Variants in PDE3B observed in about 807,000 individuals in gnomAD.
PDE3B encodes the protein cGMP-inhibited 3',5'-cyclic phosphodiesterase 3B.
PDE3B carries 66 observed loss-of-function variants against 116.8 expected under a neutral mutation model. The observed-to-expected ratio is 0.56, with a 90% confidence interval of 0.46 to 0.69. The LOEUF (loss-of-function observed/expected upper bound fraction) is 0.69, where lower values mean the gene tolerates loss of function less well. PDE3B is among the 30% of genes least tolerant of loss of function. PDE3B has a pLI of 0.00. For missense variants in PDE3B, 1,384 were observed against 1,368.1 expected (o/e 1.01, Z -0.18); for synonymous variants, 595 against 533.6 (o/e 1.12, Z -1.59).
At chr11:14,748,906 T>A (rs1217611547) in intron 1 of PDE3B, among the ~76,000 whole-genome samples, 4 of 151,288 alleles carry the variant, frequency 2.6e-5, no homozygotes, top group Admixed American at 2.0e-4. Flanking sequence ...TTTTTTTTTT[T>A]GAGACAGAGT....
At chr11:14,887,505 T>C in the PDE3B span, 2 of 784,608 alleles carry the variant, frequency 2.5e-6, no homozygotes, top group Non-Finnish European at 3.1e-6. Flanking sequence ...ACTGCTTTGA[T>C]CTATGGAAGG....
In PDE3B at chr11:14,819,209, G is replaced by C; in HGVS notation, c.1807G>C (p.Gly603Arg). ...TACAGATTGCTGCAGTGGAAAATCAGGTGAGATTACAAAAGTCATATGTAT... is the reference window on the plus strand; with the variant it reads ...TACAGATTGCTGCAGTGGAAAATCACGTGAGATTACAAAAGTCATATGTAT... ...DGTDCCSGKS[G>R]EEENIFSKES... The change falls in exon 7 of 16, where the codon GGT becomes CGT. Residue 603 changes from glycine (G) to arginine (R), a missense_variant and splice_region_variant. By Grantham distance (125) the Gly-to-Arg change is moderately radical. Transcript: ENST00000282096. 1.3e-6 allele frequency: 2 copies of C among 1,575,310 alleles called. No homozygotes were observed. Among genetic ancestry groups the C allele is most frequent in the Non-Finnish European group, 1.7e-6 (2 of 1,151,236 alleles).
intron 1 of PDE3B, among the ~76,000 whole-genome samples, chr11:14,746,337 A>G (rs916455036): frequency 1.3e-5 from 2 of 152,168 alleles, no homozygotes; most frequent in African/African-American, 4.8e-5. Flanking sequence ...GTGAGCCGAG[A>G]TCGCACCAGT....
rs79301124 is a variant in PDE3B, at chr11:14,865,458, A to C, written c.2887-2048A>C. ...TTAACATGAGTGGAAAGTGGGAGTA[A>C]TTGAGCCTATATAACCATGCACCTG... On this transcript the variant is annotated intron_variant, in intron 14 of 15. Coordinates refer to ENST00000282096, the MANE Select transcript of PDE3B (RefSeq NM_000922.4). Among the ~76,000 whole-genome samples the C allele has an allele frequency of 4.1e-3, 627 of 152,216 alleles. 5 individuals are homozygous for C. The highest frequency in any genetic ancestry group is 0.015 in the African/African-American group (608 of 41,546).
At chr11:14,760,233 A>G (rs1857319404) in intron 1 of PDE3B, among the ~76,000 whole-genome samples, 2 of 152,192 alleles carry the variant, frequency 1.3e-5, no homozygotes, top group African/African-American at 4.8e-5. Flanking sequence ...AATGGCATAT[A>G]GTAAGCCCTT....
chr11:14,770,485 TAAG>T (rs534847145), intron 1 of PDE3B, among the ~76,000 whole-genome samples: 5 of 151,546 alleles, frequency 3.3e-5, no homozygotes, highest in Non-Finnish European at 5.9e-5. Context: ...ATGTTAATCT[TAAG>T]GAGCATTTTA....
rs566126394 is a variant in PDE3B at position 14,871,164 on chromosome 11, C to G, written c.*1504C>G. 1.3e-5 allele frequency: 2 copies of G among 152,198 alleles called. No homozygotes were observed. The highest frequency in any genetic ancestry group is 4.8e-5 in the African/African-American group (2 of 41,530). The allele number at this position is 152,198 out of a possible 1,614,324, so 9.4% of individuals were successfully genotyped here. A position where few individuals can be genotyped will look rare whatever the true frequency, so the allele number is the denominator to read the frequency against. The stretch of plus-strand genomic sequence containing the variant: ...TACTTATCTAGAATATTTGGCTTAT[C>G]TGAAAGATATCAATTTAAGATCTCT... On this transcript the variant is annotated 3_prime_UTR_variant, in exon 16 of 16. Coordinates refer to ENST00000282096, the MANE Select transcript of PDE3B (RefSeq NM_000922.4).
At chr11:14,660,515 G>A (rs371095091) in intron 1 of PDE3B, among the ~76,000 whole-genome samples, 1 of 151,644 alleles carries the variant, frequency 6.6e-6, no homozygotes, top group East Asian at 1.9e-4. Context: ...TGTTGCCCAC[G>A]CTGGTCTTGA....
intron 2 of PDE3B, among the ~76,000 whole-genome samples, chr11:14,783,224 A>G (rs1185111940): frequency 1.3e-5 from 2 of 152,272 alleles, no homozygotes; most frequent in Admixed American, 6.5e-5. Context: ...ATCTGGAACT[A>G]GAAATACCAT....
the PDE3B span, chr11:14,877,573 A>C: frequency 3.3e-5 from 5 of 152,596 alleles, no homozygotes; most frequent in Admixed American, 3.3e-4. Context: ...GCAGGAAGCA[A>C]GATATGAAAG....
intron 4 of PDE3B, among the ~76,000 whole-genome samples, chr11:14,802,074 G>T (rs1858787945): frequency 6.6e-6 from 1 of 152,238 alleles, no homozygotes; most frequent in African/African-American, 2.4e-5. Flanking sequence ...GGGCTCTGTG[G>T]CGGTGAGATC....
chr11:14,703,095 A>T (rs1021057389), intron 1 of PDE3B, among the ~76,000 whole-genome samples: 2 of 151,870 alleles, frequency 1.3e-5, no homozygotes, highest in Non-Finnish European at 2.9e-5. Flanking sequence ...TGGAGGGAAG[A>T]TAGTCTTTTA....
the PDE3B span, among the ~76,000 whole-genome samples, chr11:14,878,939 C>T: frequency 2.4e-4 from 37 of 152,082 alleles, no homozygotes; most frequent in African/African-American, 8.7e-4. Context: ...TATATTAAGC[C>T]GAAACAGATG....
At chr11:14,650,260 G>C (rs1360537352) in intron 1 of PDE3B, among the ~76,000 whole-genome samples, 2 of 148,972 alleles carry the variant, frequency 1.3e-5, no homozygotes, top group East Asian at 4.0e-4. Context: ...AGGGTGCAGT[G>C]ATGTGCAATC....
At chr11:14,682,524 G>A (rs1343141978) in intron 1 of PDE3B, among the ~76,000 whole-genome samples, 1 of 152,090 alleles carries the variant, frequency 6.6e-6, no homozygotes, top group Non-Finnish European at 1.5e-5. Context: ...TTTGCTGAGA[G>A]TTTTTATCAT....
chr11:14,860,392 A>T (rs1847927068), intron 13 of PDE3B, among the ~76,000 whole-genome samples: 1 of 152,030 alleles, frequency 6.6e-6, no homozygotes, highest in Non-Finnish European at 1.5e-5. Flanking sequence ...TTTTTCTGAA[A>T]GAGTTTGGTG....
intron 1 of PDE3B, among the ~76,000 whole-genome samples, chr11:14,675,260 A>G (rs1174568992): frequency 6.6e-6 from 1 of 152,124 alleles, no homozygotes; most frequent in Non-Finnish European, 1.5e-5. Context: ...ATGGTAAATT[A>G]TCACCTATTT....
intron 1 of PDE3B, chr11:14,698,898 T>C (rs1855286442): frequency 6.6e-6 from 1 of 152,032 alleles, no homozygotes; most frequent in Non-Finnish European, 1.5e-5. Flanking sequence ...CTATACAGTA[T>C]ACATGGAGGA....
At chr11:14,861,659 C>T (rs2133991517) in intron 14 of PDE3B, among the ~76,000 whole-genome samples, 1 of 152,286 alleles carries the variant, frequency 6.6e-6, no homozygotes, top group African/African-American at 2.4e-5. Context: ...AACCTCAATT[C>T]TTGCCCCCTC....
Sources: allele counts gnomAD v4.1 joint callset (sites outside exome capture counted in the v4.1 genomes callset), GRCh38; gene constraint gnomAD v4.1.1; transcripts MANE v1.5; gene names NCBI Gene and HGNC (gene_info 2026-07-23, HGNC 2026-07-21).